The following GRIK1 variants were observed in gnomAD, a reference collection of about 807,000 sequenced individuals.
GRIK1 encodes glutamate receptor ionotropic, kainate 1.
In GRIK1, 69 loss-of-function variants were observed where a neutral mutation model predicts 105.7. That is an observed-to-expected ratio of 0.65 (90% confidence interval 0.54 to 0.80). The LOEUF (loss-of-function observed/expected upper bound fraction) is 0.80. GRIK1 is among the 30% of genes least tolerant of loss of function. GRIK1 has a pLI of 0.00. For synonymous variants in GRIK1, 438 were observed against 431.3 expected (o/e 1.02, Z -0.19); for missense variants, 1,109 against 1,167.3 (o/e 0.95, Z 0.73).
At chr21:29,850,863 G>A (rs967864631) in intron 1 of GRIK1, among the ~76,000 whole-genome samples, 3 of 152,128 alleles carry the variant, frequency 2.0e-5, no homozygotes, top group African/African-American at 7.2e-5. Flanking sequence ...AAGCCAGAGA[G>A]TATCTCAGCA....
At chr21:29,552,677 A>C (rs896972396) in intron 16 of GRIK1, among the ~76,000 whole-genome samples, 2 of 151,992 alleles carry the variant, frequency 1.3e-5, no homozygotes, top group Non-Finnish European at 2.9e-5. Flanking sequence ...TCATCAATGC[A>C]AAGTGAGTGG....
rs1027127586 is a variant in GRIK1, at chr21:29,939,773, C to A, written c.-273G>T. 3 of 335,392 alleles carry A rather than the reference C, an allele frequency of 8.9e-6. No homozygotes were observed. Among genetic ancestry groups the A allele is most frequent in the Admixed American group, 4.8e-5 (1 of 20,780 alleles). The allele number at this position is 335,392 out of a possible 1,614,324, so 20.8% of individuals were successfully genotyped here. A position where few individuals can be genotyped will look rare whatever the true frequency, so the allele number is the denominator to read the frequency against. On this transcript the variant is annotated 5_prime_UTR_variant, in exon 1 of 18. Coordinates refer to ENST00000327783, the MANE Select transcript of GRIK1 (RefSeq NM_001330994.2). Reference sequence around the variant, plus strand: ...TGGGCCGCAGACCGCGGAGGATCAGCGCTCTCTGGCTCCCGGAGCCCAGAG... The same window carrying A: ...TGGGCCGCAGACCGCGGAGGATCAGAGCTCTCTGGCTCCCGGAGCCCAGAG...
At position 29,778,218 on chromosome 21, in the gene GRIK1, A is replaced by G. The variant is rs140652248; in HGVS notation, c.119-84155T>C. Among the ~76,000 whole-genome samples, 8 of 152,260 alleles carry G rather than the reference A, an allele frequency of 5.3e-5. No individual in the cohort carries two copies. The East Asian group carries it at 1.5e-3, about 29-fold the overall frequency. ...CTAAGCACACAACTTTGTGTTATGTATTTTGTGTTATATGCTCTTAATGTC... is the reference window on the plus strand; with the variant it reads ...CTAAGCACACAACTTTGTGTTATGTGTTTTGTGTTATATGCTCTTAATGTC... On this transcript the variant is annotated intron_variant, in intron 1 of 17. Transcript: ENST00000327783.
intron 6 of GRIK1, among the ~76,000 whole-genome samples, chr21:29,646,230 G>A (rs576446069): frequency 6.6e-6 from 1 of 152,278 alleles, no homozygotes; most frequent in East Asian, 1.9e-4. Flanking sequence ...AGCTGTATGG[G>A]AGCTCCATGC....
At chr21:29,811,889 C>T (rs2067019225) in intron 1 of GRIK1, among the ~76,000 whole-genome samples, 1 of 152,174 alleles carries the variant, frequency 6.6e-6, no homozygotes, top group Non-Finnish European at 1.5e-5. Flanking sequence ...TGCATTCCTC[C>T]TTACCTGGAA....
intron 1 of GRIK1, among the ~76,000 whole-genome samples, chr21:29,836,084 C>T (rs538574841): frequency 6.6e-6 from 1 of 152,316 alleles, no homozygotes; most frequent in South Asian, 2.1e-4. Flanking sequence ...TGTTCTATTA[C>T]AAGCACATTC....
At chr21:29,754,558 A>G (rs1281352733) in intron 1 of GRIK1, among the ~76,000 whole-genome samples, 1 of 152,226 alleles carries the variant, frequency 6.6e-6, no homozygotes, top group Non-Finnish European at 1.5e-5. Flanking sequence ...TGTGAGGAAT[A>G]AATACAAAAT....
chr21:29,926,568 G>A (rs2071378550), intron 1 of GRIK1, among the ~76,000 whole-genome samples: 1 of 151,982 alleles, frequency 6.6e-6, no homozygotes, highest in South Asian at 2.1e-4. Flanking sequence ...TTGGACTTTA[G>A]GATCTTTAAA....
At chr21:29,796,932 GAGGGAGACTCTGTCTCAAAAGCAA>G (rs2066574666) in intron 1 of GRIK1, among the ~76,000 whole-genome samples, 1 of 151,154 alleles carries the variant, frequency 6.6e-6, no homozygotes, top group Non-Finnish European at 1.5e-5. Flanking sequence ...CTGGGTGACA[GAGGGAGACTCTGTCTCAAAAGCAA>G]ACAAACAAAC....
At chr21:29,737,618 C>G (rs2064825826) in intron 1 of GRIK1, among the ~76,000 whole-genome samples, 1 of 152,228 alleles carries the variant, frequency 6.6e-6, no homozygotes, top group South Asian at 2.1e-4. Flanking sequence ...CTTTTCTTCT[C>G]ATATACTCAC....
rs1568814199 is a variant in GRIK1 at position 29,560,398 on chromosome 21, TTC to T, written c.2356+1224_2356+1225del. On this transcript the variant is annotated intron_variant, in intron 15 of 17. Coordinates refer to ENST00000327783, the MANE Select transcript of GRIK1 (RefSeq NM_001330994.2). Reference sequence around the variant, plus strand: ...CTTCCTTCCTTCCTTCCTTCCTTCCTTCCTTTCTTTCTTTCTTTCTTTCTTTC... The same window carrying T: ...CTTCCTTCCTTCCTTCCTTCCTTCCTCTTTCTTTCTTTCTTTCTTTCTTTC... 8.1e-3 allele frequency among the ~76,000 whole-genome samples: 813 copies of T among 100,140 alleles called. 101 individuals carry two copies. The highest frequency in any genetic ancestry group is 0.015 in the Middle Eastern group (3 of 200). The allele number at this position is 100,140 out of a possible 152,430, so 65.7% of individuals were successfully genotyped here.
chr21:29,756,662 A>G (rs1052186726), intron 1 of GRIK1, among the ~76,000 whole-genome samples: 2 of 152,182 alleles, frequency 1.3e-5, no homozygotes, highest in African/African-American at 4.8e-5. Flanking sequence ...CATTCAAGAC[A>G]GAGGAAATCC....
At chr21:29,642,698 TG>T in intron 7 of GRIK1, 127 bp downstream of exon 7, 1 of 744,042 alleles carries the variant, frequency 1.3e-6, no homozygotes, top group Non-Finnish European at 2.2e-6. Flanking sequence ...CTGAGCAGAC[TG>T]GTTGATGATG....
At chr21:29,580,237 C>G (rs191298607) in intron 13 of GRIK1, among the ~76,000 whole-genome samples, 1 of 150,866 alleles carries the variant, frequency 6.6e-6, no homozygotes, top group Admixed American at 6.6e-5. Context: ...CTCCTTCACT[C>G]TGAAAGTAAT....
chr21:29,563,945 G>A (rs1376558499), intron 14 of GRIK1, among the ~76,000 whole-genome samples: 1 of 152,066 alleles, frequency 6.6e-6, no homozygotes. Context: ...GCTGATTTGG[G>A]GGAGGTGGAT....
intron 3 of GRIK1, among the ~76,000 whole-genome samples, chr21:29,688,428 A>T (rs1440351955): frequency 1.3e-5 from 2 of 152,150 alleles, no homozygotes; most frequent in Non-Finnish European, 2.9e-5. Flanking sequence ...GCAAAGTTTG[A>T]CACTGTTTCA....
intron 1 of GRIK1, among the ~76,000 whole-genome samples, chr21:29,803,626 A>G (rs972288073): frequency 6.6e-6 from 1 of 152,128 alleles, no homozygotes; most frequent in Non-Finnish European, 1.5e-5. Flanking sequence ...GTGCACTCTG[A>G]AGAGTTGTGG....
chr21:29,812,000 A>C (rs1437913119), intron 1 of GRIK1, among the ~76,000 whole-genome samples: 1 of 152,150 alleles, frequency 6.6e-6, no homozygotes, highest in Non-Finnish European at 1.5e-5. Flanking sequence ...ATCCCTTTTA[A>C]AATGGTTCAT....
intron 16 of GRIK1, among the ~76,000 whole-genome samples, chr21:29,542,392 C>T (rs1601066859): frequency 6.7e-6 from 1 of 148,462 alleles, no homozygotes; most frequent in South Asian, 2.2e-4. Flanking sequence ...ATTATATCTT[C>T]TCTTTACACC....
Sources: allele counts gnomAD v4.1 joint callset (sites outside exome capture counted in the v4.1 genomes callset), GRCh38; gene constraint gnomAD v4.1.1; transcripts MANE v1.5; gene names NCBI Gene and HGNC (gene_info 2026-07-23, HGNC 2026-07-21).